Variants in TMEM244 observed in about 807,000 individuals in gnomAD.
TMEM244 encodes putative transmembrane protein 244.
TMEM244 carries 13 observed loss-of-function variants against 15.8 expected under a neutral mutation model. That is an observed-to-expected ratio of 0.82 (90% CI 0.53 to 1.30). The LOEUF (loss-of-function observed/expected upper bound fraction) is 1.30, where lower values mean the gene tolerates loss of function less well. Among genes scored for constraint, TMEM244 ranks in the 50% most tolerant of loss-of-function variants. The pLI is 0.00. For missense variants in TMEM244, 161 were observed against 144.9 expected, an observed-to-expected ratio of 1.11 and a Z score of -0.57; for synonymous variants, 45 against 48.7, an observed-to-expected ratio of 0.92 and a Z score of 0.32.
At chr6:129,850,952 T>C (rs1776630059) in intron 1 of TMEM244, among the ~76,000 whole-genome samples, 1 of 152,224 alleles carries the variant, frequency 6.6e-6, no homozygotes, top group Non-Finnish European at 1.5e-5. Flanking sequence ...CCCCTGTTGA[T>C]AGTCTAACTA....
intron 3 of TMEM244, among the ~76,000 whole-genome samples, chr6:129,836,022 T>C (rs4470874): frequency 0.37 from 56,094 of 151,974 alleles, 10,795 homozygotes; most frequent in South Asian, 0.5. Flanking sequence ...CTTCTGCAGA[T>C]TTAAACGTCC....
chr6:129,840,196 T>A (rs775348508), intron 3 of TMEM244, among the ~76,000 whole-genome samples: 1 of 152,144 alleles, frequency 6.6e-6, no homozygotes, highest in Non-Finnish European at 1.5e-5. Flanking sequence ...ACAGCTACAG[T>A]AACCAAAACA....
intron 4 of TMEM244, among the ~76,000 whole-genome samples, chr6:129,832,291 T>G (rs936286059): frequency 6.6e-6 from 1 of 151,756 alleles, no homozygotes; most frequent in Non-Finnish European, 1.5e-5. Flanking sequence ...AGAGATGGGG[T>G]TTCACCACAT....
At chr6:129,845,623 A>T (rs572576921) in intron 2 of TMEM244, 144 bp downstream of exon 2, 1 of 695,574 alleles carries the variant, frequency 1.4e-6, no homozygotes, top group Non-Finnish European at 2.4e-6. Context: ...TACCAAAAAT[A>T]AAAAATAAAT....
At chr6:129,846,241 A>G (rs1241887412) in intron 1 of TMEM244, among the ~76,000 whole-genome samples, 2 of 152,174 alleles carry the variant, frequency 1.3e-5, no homozygotes, top group Non-Finnish European at 2.9e-5. Flanking sequence ...ATTTCTGTTA[A>G]TATTAAACTT....
chr6:129,832,122 G>A (rs1277603458), intron 4 of TMEM244, among the ~76,000 whole-genome samples: 2 of 139,842 alleles, frequency 1.4e-5, no homozygotes, highest in African/African-American at 5.3e-5. Context: ...TTCTGAGACA[G>A]AGTCTTGCTC....
chr6:129,859,199 T>C (rs1776765353), intron 1 of TMEM244, among the ~76,000 whole-genome samples: 1 of 152,222 alleles, frequency 6.6e-6, no homozygotes, highest in Non-Finnish European at 1.5e-5. Flanking sequence ...GGTTACTTTC[T>C]GAGTTTTGTT....
chr6:129,856,991 A>G (rs973005424), intron 1 of TMEM244, among the ~76,000 whole-genome samples: 1 of 152,016 alleles, frequency 6.6e-6, no homozygotes, highest in African/African-American at 2.4e-5. Context: ...GATTTTACAC[A>G]CTTCCTGTTA....
At chr6:129,840,793 C>T (rs1776479055) in intron 3 of TMEM244, among the ~76,000 whole-genome samples, 3 of 152,178 alleles carry the variant, frequency 2.0e-5, no homozygotes, top group South Asian at 4.1e-4. Context: ...CAAAAGAAGA[C>T]GTTTATGCCG....
At chr6:129,846,499 G>A (rs931213834) in intron 1 of TMEM244, among the ~76,000 whole-genome samples, 2 of 152,068 alleles carry the variant, frequency 1.3e-5, no homozygotes, top group Admixed American at 6.6e-5. Context: ...AAGTGTTGCT[G>A]CCTGAAGAGG....
intron 4 of TMEM244, among the ~76,000 whole-genome samples, chr6:129,832,691 G>T (rs1487800605): frequency 6.6e-6 from 1 of 152,050 alleles, no homozygotes; most frequent in East Asian, 1.9e-4. Context: ...ACCTCATCAG[G>T]TTTCCCCCAT....
chr6:129,835,904 C>A (rs1020110543), intron 3 of TMEM244, among the ~76,000 whole-genome samples: 1 of 152,110 alleles, frequency 6.6e-6, no homozygotes, highest in African/African-American at 2.4e-5. Context: ...AACAAAGAGG[C>A]CTGGAAGCAC....
chr6:129,854,917 C>T (rs903113381), intron 1 of TMEM244, among the ~76,000 whole-genome samples: 1 of 152,194 alleles, frequency 6.6e-6, no homozygotes, highest in African/African-American at 2.4e-5. Context: ...ATGGTCCATA[C>T]TCTTCATATT....
At chr6:129,841,937 A>T (rs1055640877) in intron 3 of TMEM244, among the ~76,000 whole-genome samples, 1 of 152,134 alleles carries the variant, frequency 6.6e-6, no homozygotes, top group Admixed American at 6.6e-5. Flanking sequence ...CACAGCAACA[A>T]CTTTGAAGAG....
At chr6:129,839,140 A>G (rs1440357890) in intron 3 of TMEM244, among the ~76,000 whole-genome samples, 2 of 152,042 alleles carry the variant, frequency 1.3e-5, no homozygotes, top group Non-Finnish European at 2.9e-5. Flanking sequence ...GAGAACTTCA[A>G]GCCAATATTT....
chr6:129,861,024 T>C (rs1050787982), intron 1 of TMEM244, 132 bp downstream of exon 1: 2 of 919,020 alleles, frequency 2.2e-6, no homozygotes, highest in Non-Finnish European at 3.4e-6. Context: ...CAGCAGAATG[T>C]TTTCTGTATG....
At chr6:129,835,387 A>C (rs889809461) in intron 3 of TMEM244, among the ~76,000 whole-genome samples, 1 of 144,766 alleles carries the variant, frequency 6.9e-6, no homozygotes, top group Non-Finnish European at 1.5e-5. Flanking sequence ...TGGGTGACAG[A>C]GTGAATCTCT....
intron 1 of TMEM244, among the ~76,000 whole-genome samples, chr6:129,847,203 C>A (rs1344132447): frequency 2.0e-5 from 3 of 152,022 alleles, no homozygotes; most frequent in Non-Finnish European, 4.4e-5. Context: ...AAAAATGTGC[C>A]ACACTTCACT....
At chr6:129,843,662 T>A in intron 2 of TMEM244, 59 bp from the exon 3 acceptor site, 1 of 1,216,558 alleles carries the variant, frequency 8.2e-7, no homozygotes, top group South Asian at 1.3e-5. Context: ...TAACAGCACA[T>A]CAAAGTGACA....
Sources: gnomAD v4.1 joint callset for allele counts (sites outside exome capture counted in the v4.1 genomes callset) on GRCh38, gnomAD v4.1.1 for gene constraint, MANE v1.5 for transcripts, NCBI Gene and HGNC (gene_info 2026-07-23, HGNC 2026-07-21) for gene names.